EGFLAM: variants seen among roughly 807,000 people sequenced by gnomAD.
The protein encoded by EGFLAM is pikachurin.
Under a neutral mutation model 113.1 loss-of-function variants are expected in EGFLAM, and 79 were observed. The observed-to-expected ratio is 0.70, with a 90% CI of 0.58 to 0.84. The LOEUF is 0.84. EGFLAM is among the 40% of genes least tolerant of loss of function. The pLI, the probability that EGFLAM is intolerant of heterozygous loss-of-function variation, is 0.00. For missense variants in EGFLAM, 1,265 were observed against 1,291.6 expected, an observed-to-expected ratio of 0.98 and a Z score of 0.32; for synonymous variants, 504 against 487.6, an observed-to-expected ratio of 1.03 and a Z score of -0.44.
intron 19 of EGFLAM, chr5:38,451,662 G>A (rs904701378): frequency 3.0e-6 from 2 of 674,670 alleles, no homozygotes; most frequent in African/African-American, 3.6e-5. Flanking sequence ...ATGGCCTGCA[G>A]GCCAAATCTG....
At chr5:38,405,952 AC>A in intron 6 of EGFLAM, 173 bp from the exon 7 acceptor site, 1 of 623,470 alleles carries the variant, frequency 1.6e-6, no homozygotes, top group Admixed American at 2.7e-5. Flanking sequence ...ATGAGAGGAA[AC>A]TTTTTTTATA....
chr5:38,350,469 T>A, intron 3 of EGFLAM, 32 bp from the exon 4 acceptor site: 2 of 1,602,730 alleles, frequency 1.2e-6, no homozygotes, highest in Non-Finnish European at 1.7e-6. Flanking sequence ...ATGTACTGAT[T>A]GTTAGCATCT....
In EGFLAM at chr5:38,418,091, G is replaced by C; in HGVS notation, c.1520G>C (p.Arg507Pro). ...SQGQYSKITFRTPLYLGGAPS... is the reference protein window; with the variant it reads ...SQGQYSKITFPTPLYLGGAPS... Reference sequence around the variant, plus strand: ...GGCCAATACAGTAAAATTACTTTCCGGACACCTCTCTATCTTGGTGGCGCT... The same window carrying C: ...GGCCAATACAGTAAAATTACTTTCCCGACACCTCTCTATCTTGGTGGCGCT... Residue 507 changes from arginine to proline, a missense_variant, in exon 12 of 22, where the codon CGG (arginine) becomes CCG (proline). Physicochemically the swap from Arg to Pro is moderately radical, Grantham distance 103. Transcript: ENST00000322350. 1 of 1,613,774 alleles carries C rather than the reference G, an allele frequency of 6.2e-7. No individual in the cohort carries two copies. Among genetic ancestry groups the C allele is most frequent in the Non-Finnish European group, 8.5e-7 (1 of 1,179,864 alleles).
intron 6 of EGFLAM, among the ~76,000 whole-genome samples, chr5:38,379,810 T>C (rs1740462622): frequency 6.8e-6 from 1 of 146,422 alleles, no homozygotes; most frequent in African/African-American, 2.6e-5. Flanking sequence ...TTAAGCACAT[T>C]CTAGACTCAG....
chr5:38,335,401 C>T (rs1739157974), intron 1 of EGFLAM, among the ~76,000 whole-genome samples: 2 of 152,190 alleles, frequency 1.3e-5, no homozygotes, highest in Admixed American at 1.3e-4. Flanking sequence ...GGCCATCCAA[C>T]TTCCCACTAC....
At chr5:38,372,369 C>T (rs1740247423) in intron 6 of EGFLAM, among the ~76,000 whole-genome samples, 1 of 152,082 alleles carries the variant, frequency 6.6e-6, no homozygotes, top group Non-Finnish European at 1.5e-5. Flanking sequence ...TCTCTTTGGC[C>T]AGGATGGTCT....
rs568310772 is a variant in EGFLAM, at chr5:38,339,489, C to A, written c.291+708C>A. The stretch of plus-strand genomic sequence containing the variant: ...TGGTGGTGCTAACTCCTGTTTGATC[C>A]GTGCCTTCTGGCAGCAGCACCTGAG... On this transcript the variant is annotated intron_variant, in intron 3 of 21. Transcript: ENST00000322350. Among the ~76,000 whole-genome samples, 54 of 152,212 alleles carry A rather than the reference C, an allele frequency of 3.5e-4. No homozygotes were observed. The South Asian group carries it at 0.011, about 31-fold the overall frequency.
Position 38,412,694 on chromosome 5 carries a change from A to T in EGFLAM, c.1494+46A>T, listed in dbSNP as rs970056608. 4 of 1,598,390 alleles carry T rather than the reference A, an allele frequency of 2.5e-6. No homozygotes were observed. The African/African-American group carries it at 5.4e-5, about 21-fold the overall frequency. ...CTGCCCACCCCACATACCACCCACCATAAGTCTCCTGAGAAGGGCTTACTG... is the reference window on the plus strand; with the variant it reads ...CTGCCCACCCCACATACCACCCACCTTAAGTCTCCTGAGAAGGGCTTACTG... On this transcript the variant is annotated intron_variant, in intron 11 of 21. Coordinates refer to ENST00000322350, the MANE Select transcript of EGFLAM (RefSeq NM_152403.4).
chr5:38,312,440 C>T (rs1438202908), intron 1 of EGFLAM, among the ~76,000 whole-genome samples: 1 of 151,910 alleles, frequency 6.6e-6, no homozygotes, highest in African/African-American at 2.4e-5. Flanking sequence ...CGGGGTTTCA[C>T]CATGTTAGCC....
chr5:38,339,549 C>T (rs13358519), intron 3 of EGFLAM, among the ~76,000 whole-genome samples: 3,159 of 152,340 alleles, frequency 0.021, 122 homozygotes, highest in African/African-American at 0.073. Flanking sequence ...AAGGAACTAT[C>T]ACTTATTGAG....
intron 5 of EGFLAM, among the ~76,000 whole-genome samples, chr5:38,361,934 A>G (rs1401778352): frequency 6.6e-6 from 1 of 151,862 alleles, no homozygotes; most frequent in Non-Finnish European, 1.5e-5. Context: ...CTTGAGCCAC[A>G]TGCAAATATA....
chr5:38,263,202 C>T (rs1304876189), intron 1 of EGFLAM, among the ~76,000 whole-genome samples: 1 of 152,200 alleles, frequency 6.6e-6, no homozygotes, highest in African/African-American at 2.4e-5. Flanking sequence ...TGGCCCATGC[C>T]TGTAATCCCA....
intron 17 of EGFLAM, among the ~76,000 whole-genome samples, chr5:38,447,697 A>G (rs942040096): frequency 2.0e-5 from 3 of 151,122 alleles, no homozygotes; most frequent in African/African-American, 7.3e-5. Context: ...TGGAAGTTGC[A>G]GTGAGCCAAG....
Position 38,303,766 on chromosome 5 carries a change from A to G in EGFLAM, c.98-33754A>G, listed in dbSNP as rs79470472. Among the ~76,000 whole-genome samples, 511 of 152,202 alleles carry G rather than the reference A, an allele frequency of 3.4e-3. 24 individuals carry two copies. In the East Asian group the frequency reaches 0.076, roughly 23 times the overall value. On this transcript the variant is annotated intron_variant, in intron 1 of 21. Transcript: ENST00000322350. The stretch of plus-strand genomic sequence containing the variant: ...AATTACTATAAATGCTTTTTTTCCA[A>G]AAAAATGGTAACAGTCACAAAATTT...
chr5:38,276,866 G>T (rs1579715525), intron 1 of EGFLAM, among the ~76,000 whole-genome samples: 2 of 152,040 alleles, frequency 1.3e-5, no homozygotes, highest in East Asian at 3.9e-4. Flanking sequence ...AAATTATGAA[G>T]AAATAGAAAA....
In EGFLAM at chr5:38,464,181, G is replaced by A. The variant is rs143358104; in HGVS notation, c.*195G>A. On this transcript the variant is annotated 3_prime_UTR_variant, in exon 22 of 22. Coordinates refer to ENST00000322350, the MANE Select transcript of EGFLAM (RefSeq NM_152403.4). ...GTGGCCTTTCCTGCTGACACTCCAC[G>A]AGCTGACCCAGCAGAATTCTCTGTG... 11 of 638,186 alleles carry A rather than the reference G, an allele frequency of 1.7e-5. No homozygotes were observed. The highest frequency in any genetic ancestry group is 4.4e-5 in the South Asian group (2 of 45,288). 39.5% of individuals were successfully genotyped at this position (638,186 alleles called of 1,614,324 possible).
intron 10 of EGFLAM, among the ~76,000 whole-genome samples, chr5:38,411,281 A>G (rs1741467842): frequency 6.6e-6 from 1 of 151,864 alleles, no homozygotes; most frequent in African/African-American, 2.4e-5. Context: ...TACAAAAATT[A>G]GCCGGGTGTG....
chr5:38,341,405 A>G (rs1739333303), intron 3 of EGFLAM, among the ~76,000 whole-genome samples: 1 of 152,200 alleles, frequency 6.6e-6, no homozygotes, highest in Admixed American at 6.5e-5. Flanking sequence ...CTCTTGTGAG[A>G]ACTCACTCAC....
chr5:38,313,971 C>T (rs1031515453), intron 1 of EGFLAM, among the ~76,000 whole-genome samples: 8 of 152,172 alleles, frequency 5.3e-5, no homozygotes, highest in African/African-American at 1.9e-4. Flanking sequence ...GTTGTTTCGA[C>T]AGAAAGAAAC....
Sources: gnomAD v4.1 joint callset for allele counts (sites outside exome capture counted in the v4.1 genomes callset) on GRCh38, gnomAD v4.1.1 for gene constraint, MANE v1.5 for transcripts, NCBI Gene and HGNC (gene_info 2026-07-23, HGNC 2026-07-21) for gene names.